SAMTOR: variants seen among roughly 807,000 people sequenced by gnomAD.
SAMTOR encodes the protein S-adenosylmethionine sensor upstream of mTORC1, also known as UPF0532 protein C7orf60.
the SAMTOR span, among the ~76,000 whole-genome samples, chr7:112,873,215 C>G: frequency 3.3e-5 from 5 of 151,736 alleles, no homozygotes; most frequent in African/African-American, 1.2e-4. Flanking sequence ...AAAAAAAAAA[C>G]TATTCTAAAA....
the SAMTOR span, among the ~76,000 whole-genome samples, chr7:112,867,944 A>AGCAG: frequency 6.6e-6 from 1 of 152,226 alleles, no homozygotes; most frequent in Non-Finnish European, 1.5e-5. Context: ...CTGTTAGATC[A>AGCAG]GCAGCAGCAT....
the SAMTOR span, among the ~76,000 whole-genome samples, chr7:112,826,343 T>G: frequency 6.6e-6 from 1 of 152,194 alleles, no homozygotes; most frequent in East Asian, 1.9e-4. Flanking sequence ...CATAATTTCT[T>G]CAATAGATTT....
At chr7:112,853,549 TAAGA>T in the SAMTOR span, among the ~76,000 whole-genome samples, 1 of 152,162 alleles carries the variant, frequency 6.6e-6, no homozygotes, top group South Asian at 2.1e-4. Context: ...CAAGACATGT[TAAGA>T]AAGAGCTGTA....
chr7:112,872,299 C>A, the SAMTOR span, among the ~76,000 whole-genome samples: 1 of 152,080 alleles, frequency 6.6e-6, no homozygotes, highest in African/African-American at 2.4e-5. Context: ...GGCCTTATTC[C>A]TAGGTTGCAA....
the SAMTOR span, among the ~76,000 whole-genome samples, chr7:112,837,841 A>G: frequency 6.6e-6 from 1 of 151,924 alleles, no homozygotes; most frequent in Non-Finnish European, 1.5e-5. Context: ...CCTTGAATTT[A>G]TATGTTTCTG....
At chr7:112,902,434 A>C in the SAMTOR span, among the ~76,000 whole-genome samples, 89 of 111,966 alleles carry the variant, frequency 7.9e-4, 9 homozygotes, top group African/African-American at 1.2e-3. Context: ...AAAAACAAAA[A>C]AAAACAAAAA....
At chr7:112,842,779 T>C in the SAMTOR span, among the ~76,000 whole-genome samples, 39 of 152,052 alleles carry the variant, frequency 2.6e-4, no homozygotes, top group East Asian at 9.7e-4. Flanking sequence ...CTAAAGACAA[T>C]AGACTTTGAG....
the SAMTOR span, chr7:112,895,449 C>T: frequency 1.6e-6 from 1 of 625,634 alleles, no homozygotes; most frequent in African/African-American, 1.9e-5. Flanking sequence ...CTGCATTTCT[C>T]AGTCTATCAT....
the SAMTOR span, among the ~76,000 whole-genome samples, chr7:112,876,862 TTTTC>T: frequency 6.6e-6 from 1 of 152,192 alleles, no homozygotes; most frequent in Non-Finnish European, 1.5e-5. Context: ...TTTGTTAATC[TTTTC>T]TTTCTCACTG....
chr7:112,934,157 G>A, the SAMTOR span, among the ~76,000 whole-genome samples: 4 of 152,060 alleles, frequency 2.6e-5, no homozygotes, highest in Admixed American at 1.3e-4. Flanking sequence ...GCAGACACCC[G>A]ATCCCTGGGA....
chr7:112,920,789 A>G, the SAMTOR span, among the ~76,000 whole-genome samples: 39 of 151,952 alleles, frequency 2.6e-4, no homozygotes, highest in African/African-American at 9.4e-4. Flanking sequence ...AATCACAAGC[A>G]TTCTTATACA....
chr7:112,835,136 ACT>A, the SAMTOR span, among the ~76,000 whole-genome samples: 1 of 151,916 alleles, frequency 6.6e-6, no homozygotes, highest in Non-Finnish European at 1.5e-5. Flanking sequence ...GTCAGCATGT[ACT>A]CTCTGTGAAG....
At chr7:112,854,037 C>CT in the SAMTOR span, among the ~76,000 whole-genome samples, 352 of 152,148 alleles carry the variant, frequency 2.3e-3, 1 homozygote, top group African/African-American at 8.3e-3. Context: ...CTAATGTCCA[C>CT]TTTTGGGGCT....
chr7:112,901,018 T>C, the SAMTOR span, among the ~76,000 whole-genome samples: 1 of 152,196 alleles, frequency 6.6e-6, no homozygotes, highest in Admixed American at 6.5e-5. Context: ...GCATGATCTG[T>C]AAAAGAAAAA....
chr7:112,927,685 C>A, the SAMTOR span, among the ~76,000 whole-genome samples: 8 of 151,924 alleles, frequency 5.3e-5, no homozygotes, highest in African/African-American at 1.9e-4. Context: ...TTACTTTGAC[C>A]AACTACAGAG....
At chr7:112,867,344 A>G in the SAMTOR span, among the ~76,000 whole-genome samples, 1 of 152,240 alleles carries the variant, frequency 6.6e-6, no homozygotes, top group African/African-American at 2.4e-5. Context: ...ATTAAAGAAC[A>G]TGTATAACTA....
the SAMTOR span, among the ~76,000 whole-genome samples, chr7:112,834,375 CACTTT>C: frequency 8.6e-5 from 13 of 151,444 alleles, no homozygotes; most frequent in South Asian, 2.1e-4. Context: ...CCCATGGATA[CACTTT>C]ACTTTTTTTT....
the SAMTOR span, among the ~76,000 whole-genome samples, chr7:112,890,279 G>A: frequency 6.6e-6 from 1 of 151,998 alleles, no homozygotes; most frequent in Non-Finnish European, 1.5e-5. Context: ...GTGTTTGAGC[G>A]CAACCTCTAA....
chr7:112,847,778 C>A, the SAMTOR span, among the ~76,000 whole-genome samples: 2 of 151,372 alleles, frequency 1.3e-5, no homozygotes, highest in African/African-American at 4.9e-5. Context: ...AACTCTGTCT[C>A]AAAAGAAAAG....
Sources: gnomAD v4.1 joint callset for allele counts (sites outside exome capture counted in the v4.1 genomes callset) on GRCh38, gnomAD v4.1.1 for gene constraint, MANE v1.5 for transcripts, NCBI Gene and HGNC (gene_info 2026-07-23, HGNC 2026-07-21) for gene names.